Variants in MTMR3 observed in about 807,000 individuals in gnomAD.
MTMR3 encodes the protein myotubularin related protein 3.
Under a neutral mutation model 132.4 loss-of-function variants are expected in MTMR3, and 32 were observed. The ratio of observed to expected loss-of-function variants is 0.24; its 90% CI spans 0.18 to 0.32. The LOEUF (loss-of-function observed/expected upper bound fraction) is 0.32, where lower values mean the gene tolerates loss of function less well. MTMR3 is among the 10% of genes least tolerant of loss of function. The pLI is 1.00. For synonymous variants in MTMR3, 556 were observed against 550.3 expected, an observed-to-expected ratio of 1.01 and a Z score of -0.14; for missense variants, 1,216 against 1,489.6, an observed-to-expected ratio of 0.82 and a Z score of 3.02.
chr22:29,903,647 C>A (rs922809608), intron 1 of MTMR3, among the ~76,000 whole-genome samples: 12 of 152,090 alleles, frequency 7.9e-5, no homozygotes, highest in African/African-American at 2.9e-4. Flanking sequence ...CCTGCCTCAG[C>A]CTCCCAATGT....
At position 30,007,097 on chromosome 22, in the gene MTMR3, T is replaced by C. The variant is rs756542190; in HGVS notation, c.672-17T>C. The C allele has an allele frequency of 1.9e-6, 3 of 1,612,990 alleles. No individual in the cohort carries two copies. The South Asian group carries it at 3.3e-5, about 18-fold the overall frequency. On this transcript the variant is annotated splice_polypyrimidine_tract_variant and intron_variant, in intron 9 of 19. Transcript: ENST00000401950. ...CATCTGAATGGGTACAGTTGTTGTC[T>C]CTTGTTCCTCACACAGGCACCAGAG...
At chr22:30,024,660 C>T (rs2067861951) in intron 19 of MTMR3, 1 of 152,232 alleles carries the variant, frequency 6.6e-6, no homozygotes, top group Middle Eastern at 3.2e-3. Flanking sequence ...AGCTGCCCTC[C>T]CCCAGTCTTT....
Position 30,020,382 on chromosome 22 carries a change from T to A in MTMR3, c.2723T>A (p.Leu908His). 6.2e-7 allele frequency: 1 copy of A among 1,614,184 alleles called. No individual in the cohort carries two copies. Among genetic ancestry groups the A allele is most frequent in the East Asian group, 2.2e-5 (1 of 44,872 alleles). ...VVHRTSLGST[L>H]SLTRSPCALP... ...CATAGGACTTCCCTTGGCAGCACTC[T>A]CAGCCTGACACGTTCCCCTTGTGCC... The change falls in exon 17 of 20, where the codon CTC becomes CAC. Residue 908 changes from leucine (L) to histidine (H), a missense_variant. Transcript: ENST00000401950.
chr22:29,927,967 G>A (rs1320905537), intron 1 of MTMR3, among the ~76,000 whole-genome samples: 1 of 97,824 alleles, frequency 1.0e-5, no homozygotes, highest in South Asian at 3.3e-4. Flanking sequence ...TTGAGACGAC[G>A]TCTTGCTTTG....
intron 15 of MTMR3, 66 bp from the exon 16 acceptor site, chr22:30,017,861 T>G: frequency 6.3e-7 from 1 of 1,597,370 alleles, no homozygotes; most frequent in Non-Finnish European, 8.5e-7. Flanking sequence ...CTCTTGATCC[T>G]CATTTCCAGA....
At chr22:29,963,392 C>CT (rs1204239353) in intron 2 of MTMR3, among the ~76,000 whole-genome samples, 21,793 of 134,968 alleles carry the variant, frequency 0.16, 1,935 homozygotes, top group African/African-American at 0.18. Flanking sequence ...CACTTAATTC[C>CT]TTTTTTTTTT....
intron 3 of MTMR3, among the ~76,000 whole-genome samples, chr22:29,976,127 T>G (rs2066625141): frequency 6.6e-6 from 1 of 151,980 alleles, no homozygotes; most frequent in Non-Finnish European, 1.5e-5. Context: ...TGTGTTTTTT[T>G]TTTTTTTTTA....
At chr22:29,969,431 C>T (rs1418781355) in intron 2 of MTMR3, among the ~76,000 whole-genome samples, 1 of 152,156 alleles carries the variant, frequency 6.6e-6, no homozygotes, top group Non-Finnish European at 1.5e-5. Flanking sequence ...TTGTCTCTTG[C>T]TGGGGTTAAT....
chr22:30,019,481 C>T lies in MTMR3; in HGVS notation c.1822C>T (p.Leu608=). The part of the protein sequence containing the change: ...TSPDDPPLSR[L]PKTRSYDNLT... Reference sequence around the variant, plus strand: ...TTCCCCCAAATTCCTTTCCTTTAGGCTACCAAAGACTAGATCATACGACAA... The same window carrying T: ...TTCCCCCAAATTCCTTTCCTTTAGGTTACCAAAGACTAGATCATACGACAA... Residue 608 remains leucine, a splice_region_variant and synonymous_variant, in exon 17 of 20, where the codon CTA becomes TTA. Coordinates refer to ENST00000401950, the MANE Select transcript of MTMR3 (RefSeq NM_021090.4). 6.3e-7 allele frequency: 1 copy of T among 1,593,564 alleles called. No homozygotes were observed. The highest frequency in any genetic ancestry group is 8.5e-7 in the Non-Finnish European group (1 of 1,172,682).
At chr22:29,888,247 G>A (rs77426709) in intron 1 of MTMR3, among the ~76,000 whole-genome samples, 2 of 152,050 alleles carry the variant, frequency 1.3e-5, no homozygotes, top group Admixed American at 6.6e-5. Flanking sequence ...GTTTTGCTAC[G>A]TTGCCCAGGC....
At chr22:29,893,856 T>C (rs1448924210) in intron 1 of MTMR3, among the ~76,000 whole-genome samples, 1 of 152,186 alleles carries the variant, frequency 6.6e-6, no homozygotes, top group Non-Finnish European at 1.5e-5. Flanking sequence ...TTTTATTTTT[T>C]ATTTTTTAAG....
chr22:30,022,231 G>T, intron 18 of MTMR3, 92 bp downstream of exon 18: 4 of 988,262 alleles, frequency 4.0e-6, no homozygotes, highest in Non-Finnish European at 4.7e-6. Flanking sequence ...CCTGGCCAAG[G>T]AAGCACCTCC....
chr22:29,919,224 A>G (rs755982089), intron 1 of MTMR3, among the ~76,000 whole-genome samples: 2 of 152,036 alleles, frequency 1.3e-5, no homozygotes, highest in African/African-American at 4.8e-5. Context: ...TGGGGGAAAA[A>G]GTTTTCTCTA....
intron 1 of MTMR3, among the ~76,000 whole-genome samples, chr22:29,893,184 C>T (rs1403475071): frequency 6.6e-6 from 1 of 152,096 alleles, no homozygotes; most frequent in African/African-American, 2.4e-5. Flanking sequence ...GGTATATTTT[C>T]CGTAGTGAGA....
intron 10 of MTMR3, 136 bp downstream of exon 10, chr22:30,007,455 T>C: frequency 5.8e-6 from 5 of 858,794 alleles, no homozygotes; most frequent in Admixed American, 2.5e-5. Flanking sequence ...ATGGGATTGA[T>C]TGAGGAGTCA....
In MTMR3 at chr22:30,030,642, G is replaced by GGGA. The variant is rs2067997039; in HGVS notation, c.*4843_*4844insAGG. ...GGGCTCTCAGCGAGGAGGGGGCGGG[G>GGGA]GGGGGGTCACTATTTATCTTCCAGA... is the stretch of plus-strand genomic sequence containing the variant. On this transcript the variant is annotated 3_prime_UTR_variant, in exon 20 of 20. Transcript: ENST00000401950. 1 of 108,366 alleles carries GGGA rather than the reference G, an allele frequency of 9.2e-6. No individual in the cohort carries two copies. Among genetic ancestry groups the GGGA allele is most frequent in the African/African-American group, 3.6e-5 (1 of 28,044 alleles). The allele number at this position is 108,366 out of a possible 1,614,324, so 6.7% of individuals were successfully genotyped here.
At position 29,908,571 on chromosome 22, in the gene MTMR3, A is replaced by G. The variant is rs17712103; in HGVS notation, c.-138+25212A>G. ...GGCTATACGTTGTTCTAGGTGGCAA[A>G]TTAATCTTTTATCAGTACCACAAAT... On this transcript the variant is annotated intron_variant, in intron 1 of 19. Coordinates refer to ENST00000401950, the MANE Select transcript of MTMR3 (RefSeq NM_021090.4). 5.5e-3 allele frequency among the ~76,000 whole-genome samples: 837 copies of G among 152,356 alleles called. 5 individuals carry two copies. The highest frequency in any genetic ancestry group is 0.017 in the Middle Eastern group (5 of 294).
At chr22:29,941,932 A>G (rs1423292029) in intron 1 of MTMR3, among the ~76,000 whole-genome samples, 1 of 152,154 alleles carries the variant, frequency 6.6e-6, no homozygotes, top group Non-Finnish European at 1.5e-5. Flanking sequence ...GCAGTGAGCT[A>G]CGATTGTGCC....
At chr22:30,009,510 T>C (rs1378251359) in intron 12 of MTMR3, 1 of 175,398 alleles carries the variant, frequency 5.7e-6, no homozygotes, top group African/African-American at 2.4e-5. Flanking sequence ...ACATAACCTG[T>C]TTTGAACTGG....
Sources: gnomAD v4.1 joint callset for allele counts (sites outside exome capture counted in the v4.1 genomes callset) on GRCh38, gnomAD v4.1.1 for gene constraint, MANE v1.5 for transcripts, NCBI Gene and HGNC (gene_info 2026-07-23, HGNC 2026-07-21) for gene names.